The following DAPK1 variants were observed in gnomAD, a reference collection of about 807,000 sequenced individuals.
The protein encoded by DAPK1 is death associated protein kinase 1.
Under a neutral mutation model 144.9 loss-of-function variants are expected in DAPK1, and 56 were observed. The ratio of observed to expected loss-of-function variants is 0.39; its 90% CI spans 0.31 to 0.48. The LOEUF (loss-of-function observed/expected upper bound fraction) is 0.48, where lower values mean the gene tolerates loss of function less well. DAPK1 is among the 20% of genes least tolerant of loss of function. The pLI is 0.95. For synonymous variants in DAPK1, 690 were observed against 749.0 expected, an observed-to-expected ratio of 0.92 and a Z score of 1.29; for missense variants, 1,454 against 1,875.4, an observed-to-expected ratio of 0.78 and a Z score of 4.15.
intron 2 of DAPK1, among the ~76,000 whole-genome samples, chr9:87,567,202 G>A (rs765958134): frequency 3.9e-5 from 6 of 152,194 alleles, no homozygotes; most frequent in Non-Finnish European, 8.8e-5. Flanking sequence ...CTCCTCCCGT[G>A]GTGGCTGGTG....
chr9:87,706,425 T>C lies in DAPK1; in HGVS notation c.3354T>C (p.Asp1118=), dbSNP rs781772360. ...ACAACCTGCACCGCTCCTGGGCTGA[T>C]GAGGAGGACGAGGTGATGGTGTATG... is the stretch of plus-strand genomic sequence containing the variant. ...KTDNLHRSWA[D]EEDEVMVYGG... The change falls in exon 26 of 26, where the codon GAT becomes GAC. Residue 1118 remains aspartate, a synonymous_variant. Coordinates refer to ENST00000408954, the MANE Select transcript of DAPK1 (RefSeq NM_004938.4). This position sits in a 1 kb window ranked among gnomAD's most constrained non-coding sequence, Gnocchi z 9.0. 17 of 1,613,378 alleles carry C rather than the reference T, an allele frequency of 1.1e-5. No homozygotes were observed. Among genetic ancestry groups the C allele is most frequent in the Admixed American group, 3.3e-5 (2 of 59,964 alleles).
At chr9:87,660,336 C>T (rs1367532798) in intron 18 of DAPK1, among the ~76,000 whole-genome samples, 2 of 152,046 alleles carry the variant, frequency 1.3e-5, no homozygotes, top group Non-Finnish European at 2.9e-5. Context: ...GGGCGTCGCC[C>T]TCAGAAACGT....
chr9:87,693,717 G>A (rs1825158384), intron 21 of DAPK1, among the ~76,000 whole-genome samples: 3 of 152,162 alleles, frequency 2.0e-5, no homozygotes, highest in Admixed American at 2.0e-4. Flanking sequence ...TGCTTTCATA[G>A]GGGAGGGCAT....
At chr9:87,569,674 G>C (rs1827262104) in intron 2 of DAPK1, among the ~76,000 whole-genome samples, 1 of 151,922 alleles carries the variant, frequency 6.6e-6, no homozygotes, top group Non-Finnish European at 1.5e-5. Context: ...TGTCAATGCG[G>C]GTGCATCCGG....
At chr9:87,617,443 T>C (rs1460782973) in intron 3 of DAPK1, among the ~76,000 whole-genome samples, 2 of 152,096 alleles carry the variant, frequency 1.3e-5, no homozygotes, top group Non-Finnish European at 2.9e-5. Flanking sequence ...CGAGTGGTCT[T>C]GGTGCTCCTT....
intron 3 of DAPK1, among the ~76,000 whole-genome samples, chr9:87,634,386 G>T (rs1443253802): frequency 6.6e-6 from 1 of 152,182 alleles, no homozygotes; most frequent in Non-Finnish European, 1.5e-5. Context: ...TGTTCTCCAA[G>T]GACATCTCTT....
intron 2 of DAPK1, among the ~76,000 whole-genome samples, chr9:87,535,839 A>T (rs570829250): frequency 3.3e-5 from 5 of 152,352 alleles, no homozygotes; most frequent in Admixed American, 6.5e-5. Context: ...GGGGAAAAAA[A>T]GGTGACACAG....
intron 21 of DAPK1, among the ~76,000 whole-genome samples, chr9:87,694,269 T>C (rs2117996181): frequency 6.6e-6 from 1 of 152,168 alleles, no homozygotes; most frequent in South Asian, 2.1e-4. Context: ...GAGTGCCAGC[T>C]GTGATGATAG....
chr9:87,643,309 C>G, intron 10 of DAPK1, 67 bp from the exon 11 acceptor site: 3 of 911,410 alleles, frequency 3.3e-6, no homozygotes, highest in Non-Finnish European at 5.0e-6. Flanking sequence ...TAAGCTGTCT[C>G]TCCTCCTCTC....
chr9:87,681,327 C>T lies in DAPK1; in HGVS notation c.2002-77C>T, dbSNP rs1824609929. Reference sequence around the variant, plus strand: ...CTTCAGCATGGGTAAAAACTGCACACCGGGGATTAGGAATCTTGAGAATCA... The same window carrying T: ...CTTCAGCATGGGTAAAAACTGCACATCGGGGATTAGGAATCTTGAGAATCA... On this transcript the variant is annotated intron_variant, in intron 19 of 25. Coordinates refer to ENST00000408954, the MANE Select transcript of DAPK1 (RefSeq NM_004938.4). 7 of 808,072 alleles carry T rather than the reference C, an allele frequency of 8.7e-6. 1 individual carries two copies. The South Asian group carries it at 1.1e-4, about 13-fold the overall frequency. 50.1% of individuals were successfully genotyped at this position (808,072 alleles called of 1,614,324 possible). A position where few individuals can be genotyped will look rare whatever the true frequency, so the allele number is the denominator to read the frequency against.
At chr9:87,685,903 C>T (rs1294404151) in intron 20 of DAPK1, among the ~76,000 whole-genome samples, 1 of 152,210 alleles carries the variant, frequency 6.6e-6, no homozygotes, top group Non-Finnish European at 1.5e-5. Flanking sequence ...CCAATGCCCA[C>T]ACCCTCTTCA....
chr9:87,540,152 T>G (rs935159927), intron 2 of DAPK1, among the ~76,000 whole-genome samples: 4 of 151,912 alleles, frequency 2.6e-5, no homozygotes, highest in Non-Finnish European at 5.9e-5. Flanking sequence ...TTATAATTGT[T>G]GTATTTATTG....
rs1420027508 is a variant in DAPK1, at chr9:87,698,736, G to A, written c.2692G>A (p.Ala898Thr). 2.5e-6 allele frequency: 4 copies of A among 1,604,010 alleles called. No homozygotes were observed. The highest frequency in any genetic ancestry group is 3.4e-6 in the Non-Finnish European group (4 of 1,170,784). The change falls in exon 23 of 26, where the codon GCT becomes ACT. Residue 898 changes from alanine to threonine, a missense_variant. Ala to Thr is a moderately conservative substitution (Grantham distance 58). Transcript: ENST00000408954. ...TGACATCATGAATGTTCCTCGACCG[G>A]CTGGAGGCGAGTTTGGATATGACAA... ...HADIMNVPRPAGGEFGYDKDT... is the reference protein window; with the variant it reads ...HADIMNVPRPTGGEFGYDKDT...
intron 2 of DAPK1, among the ~76,000 whole-genome samples, chr9:87,541,729 A>G (rs1244916080): frequency 6.6e-6 from 1 of 152,216 alleles, no homozygotes; most frequent in Non-Finnish European, 1.5e-5. Context: ...GAAGAGGTAG[A>G]ACTTCTCAAA....
At chr9:87,617,322 C>T (rs1250106860) in intron 3 of DAPK1, among the ~76,000 whole-genome samples, 2 of 152,162 alleles carry the variant, frequency 1.3e-5, no homozygotes, top group Non-Finnish European at 2.9e-5. Flanking sequence ...GAAGTCTTGG[C>T]TCTTTGGCAG....
intron 2 of DAPK1, among the ~76,000 whole-genome samples, chr9:87,596,137 A>G (rs1160900861): frequency 6.6e-6 from 1 of 152,114 alleles, no homozygotes; most frequent in Non-Finnish European, 1.5e-5. Context: ...GTTCCCATAC[A>G]GGGTTTGCCT....
intron 2 of DAPK1, among the ~76,000 whole-genome samples, chr9:87,500,098 C>T (rs1824337405): frequency 6.6e-6 from 1 of 152,148 alleles, no homozygotes; most frequent in African/African-American, 2.4e-5. Context: ...ACAAAGCTTC[C>T]TTTTTCTCCA....
In DAPK1 at chr9:87,702,416, A is replaced by G. The variant is rs1825485779; in HGVS notation, c.2872-613A>G. ...TCAACAACAGTCCCCACGAATGCCT[A>G]ATTTACTGGTAAACACTCACTCTAA... On this transcript the variant is annotated intron_variant, in intron 24 of 25. Coordinates refer to ENST00000408954, the MANE Select transcript of DAPK1 (RefSeq NM_004938.4). Among the ~76,000 whole-genome samples, 3 of 152,190 alleles carry G rather than the reference A, an allele frequency of 2.0e-5. 1 individual carries two copies. The South Asian group carries it at 6.2e-4, about 32-fold the overall frequency.
chr9:87,575,060 A>G lies in DAPK1; in HGVS notation c.63-29894A>G, dbSNP rs549765430. On this transcript the variant is annotated intron_variant, in intron 2 of 25. Coordinates refer to ENST00000408954, the MANE Select transcript of DAPK1 (RefSeq NM_004938.4). ...TGGTGAAACCCCATCTCTACTAAAA[A>G]TACAAAAAAATTAGCCAGGCGTAGT... Among the ~76,000 whole-genome samples the G allele has an allele frequency of 4.6e-5, 7 of 151,722 alleles. No individual in the cohort carries two copies. The South Asian group carries it at 1.5e-3, about 32-fold the overall frequency.
Sources: gnomAD v4.1 joint callset for allele counts (sites outside exome capture counted in the v4.1 genomes callset) on GRCh38, gnomAD v4.1.1 for gene constraint, Gnocchi (gnomAD v3.1) non-coding constraint, MANE v1.5 for transcripts, NCBI Gene and HGNC (gene_info 2026-07-23, HGNC 2026-07-21) for gene names.